SYNGR4: variants seen among roughly 807,000 people sequenced by gnomAD.
SYNGR4 encodes synaptogyrin 4.
A neutral mutation model predicts 15.5 loss-of-function variants in SYNGR4; 15 were observed. The observed-to-expected ratio is 0.97, with a 90% CI of 0.65 to 1.49. SYNGR4 has a LOEUF of 1.49. SYNGR4 is among the 40% of genes most tolerant of loss of function. The pLI is 0.00. For missense variants in SYNGR4, 292 were observed against 299.3 expected, an observed-to-expected ratio of 0.98 and a Z score of 0.18; for synonymous variants, 121 against 127.4, an observed-to-expected ratio of 0.95 and a Z score of 0.34.
chr19:48,365,057 C>T lies in SYNGR4; in HGVS notation c.-108+520C>T, dbSNP rs532885954. Reference sequence around the variant, plus strand: ...GGGACCCCCAGAATCACCCTCACCCCAGGCCCTCACCTCTCTGGAATCCTC... The same window carrying T: ...GGGACCCCCAGAATCACCCTCACCCTAGGCCCTCACCTCTCTGGAATCCTC... On this transcript the variant is annotated intron_variant, in intron 1 of 4. Transcript: ENST00000344846. Among the ~76,000 whole-genome samples, 6 of 150,008 alleles carry T rather than the reference C, an allele frequency of 4.0e-5. No homozygotes were observed. The South Asian group carries it at 1.3e-3, about 32-fold the overall frequency.
chr19:48,368,795 G>A (rs1205519418), intron 2 of SYNGR4, among the ~76,000 whole-genome samples: 3 of 152,206 alleles, frequency 2.0e-5, no homozygotes, highest in Non-Finnish European at 4.4e-5. Context: ...CTTGAAAACC[G>A]CATCCCAGCA....
At chr19:48,366,404 GAAAA>G (rs1272756269) in intron 2 of SYNGR4, among the ~76,000 whole-genome samples, 1 of 149,316 alleles carries the variant, frequency 6.7e-6, no homozygotes, top group Non-Finnish European at 1.5e-5. Context: ...AAAAAAAAAA[GAAAA>G]AAGAAAAGAA....
chr19:48,371,913 T>C (rs1010369133), intron 2 of SYNGR4, among the ~76,000 whole-genome samples: 2 of 151,688 alleles, frequency 1.3e-5, no homozygotes, highest in African/African-American at 2.4e-5. Flanking sequence ...AGAGTCTTGC[T>C]CTCTCGCCTC....
At chr19:48,371,483 G>A (rs533706346) in intron 2 of SYNGR4, among the ~76,000 whole-genome samples, 18 of 152,208 alleles carry the variant, frequency 1.2e-4, no homozygotes, top group Admixed American at 2.6e-4. Flanking sequence ...CTCAAGGCGC[G>A]TGGTCCAGTG....
At chr19:48,375,828 T>A in intron 4 of SYNGR4, 76 bp downstream of exon 4, 1 of 1,565,502 alleles carries the variant, frequency 6.4e-7, no homozygotes, top group Non-Finnish European at 8.6e-7. Context: ...GCTAGAACAT[T>A]CCTGCTCTCA....
At chr19:48,368,965 C>T (rs1405521228) in intron 2 of SYNGR4, among the ~76,000 whole-genome samples, 1 of 152,202 alleles carries the variant, frequency 6.6e-6, no homozygotes, top group Non-Finnish European at 1.5e-5. Context: ...AACTCGGATC[C>T]ACCCACCTAT....
At chr19:48,365,412 C>CCA (rs1356216556) in intron 1 of SYNGR4, among the ~76,000 whole-genome samples, 1 of 84,474 alleles carries the variant, frequency 1.2e-5, no homozygotes, top group Non-Finnish European at 2.7e-5. Context: ...AGCCCCCTCA[C>CCA]CACACAACCC....
intron 2 of SYNGR4, 132 bp downstream of exon 2, chr19:48,366,067 C>A: frequency 2.3e-6 from 2 of 869,936 alleles, no homozygotes; most frequent in Admixed American, 2.3e-5. Flanking sequence ...GGAGCAAATG[C>A]TGACACCACC....
At chr19:48,370,078 C>A (rs1201967933) in intron 2 of SYNGR4, among the ~76,000 whole-genome samples, 1 of 151,924 alleles carries the variant, frequency 6.6e-6, no homozygotes, top group East Asian at 1.9e-4. Flanking sequence ...GGGGTCCGTT[C>A]TTTGCCTCCT....
intron 3 of SYNGR4, among the ~76,000 whole-genome samples, chr19:48,374,159 C>T (rs1444301571): frequency 6.6e-6 from 1 of 150,378 alleles, no homozygotes; most frequent in Non-Finnish European, 1.5e-5. Context: ...CTCACTGCAA[C>T]CTCCGCCTCC....
intron 2 of SYNGR4, among the ~76,000 whole-genome samples, chr19:48,367,232 A>C (rs1174062011): frequency 6.6e-6 from 1 of 151,916 alleles, no homozygotes; most frequent in Non-Finnish European, 1.5e-5. Flanking sequence ...GGAGATCGAG[A>C]CCATCCTGGC....
chr19:48,366,977 A>G (rs914019399), intron 2 of SYNGR4, among the ~76,000 whole-genome samples: 4 of 151,976 alleles, frequency 2.6e-5, no homozygotes, highest in Non-Finnish European at 4.4e-5. Flanking sequence ...AACATGGCGA[A>G]AACCCATCTC....
intron 4 of SYNGR4, 28 bp from the exon 5 acceptor site, chr19:48,376,057 C>T: frequency 6.2e-7 from 1 of 1,614,040 alleles, no homozygotes; most frequent in South Asian, 1.1e-5. Flanking sequence ...CCCAAGTCAG[C>T]CTTCAGCACG....
rs747296220 is a variant in SYNGR4 at position 48,375,755 on chromosome 19, G to A, written c.471+3G>A. ...CCTTCTTCTCCATCCTTGTCTGGGT[G>A]AGGACAAGCCCCTCCACCACCCCTC... On this transcript the variant is annotated splice_donor_region_variant and intron_variant, in intron 4 of 4. Coordinates refer to ENST00000344846, the MANE Select transcript of SYNGR4 (RefSeq NM_012451.4). The A allele has an allele frequency of 3.7e-6, 6 of 1,611,962 alleles. No individual in the cohort carries two copies. Among genetic ancestry groups the A allele is most frequent in the African/African-American group, 1.3e-5 (1 of 74,882 alleles).
chr19:48,372,604 T>C (rs1326493348), intron 2 of SYNGR4, among the ~76,000 whole-genome samples: 1 of 151,394 alleles, frequency 6.6e-6, no homozygotes, highest in African/African-American at 2.4e-5. Flanking sequence ...TGAGCCGAGA[T>C]GGCGCCACTG....
At chr19:48,365,657 G>A in intron 1 of SYNGR4, 79 bp from the exon 2 acceptor site, 1 of 37,898 alleles carries the variant, frequency 2.6e-5, no homozygotes, top group Non-Finnish European at 5.0e-5. Flanking sequence ...CCCACCCCAT[G>A]TCCCCCAATC....
chr19:48,371,975 G>A (rs767949474), intron 2 of SYNGR4, among the ~76,000 whole-genome samples: 7 of 150,696 alleles, frequency 4.6e-5, no homozygotes, highest in Non-Finnish European at 1.0e-4. Context: ...AACCTCCTGG[G>A]CTCAAGTGAT....
chr19:48,368,525 G>A (rs1018255011), intron 2 of SYNGR4, among the ~76,000 whole-genome samples: 2 of 152,006 alleles, frequency 1.3e-5, no homozygotes, highest in South Asian at 2.1e-4. Context: ...GATTACCAGC[G>A]TGCACCACCA....
rs777438233 is a variant in SYNGR4, at chr19:48,373,650, C to A, written c.227C>A (p.Ala76Asp). Residue 76 changes from alanine (A) to aspartate (D), a missense_variant, in exon 3 of 5, where the codon GCC becomes GAC. By Grantham distance (126) the Ala-to-Asp change is moderately radical (BLOSUM62 -2). Coordinates refer to ENST00000344846, the MANE Select transcript of SYNGR4 (RefSeq NM_012451.4). ...TTTGCCGTGGGAGCCGGCTTCCTGGCCTTCCTCAGCTGCCTGGCCTTCCTC... is the reference window on the plus strand; with the variant it reads ...TTTGCCGTGGGAGCCGGCTTCCTGGACTTCCTCAGCTGCCTGGCCTTCCTC... ...CSFAVGAGFL[A>D]FLSCLAFLVL... is the part of the protein sequence containing the mutation. The A allele has an allele frequency of 6.2e-7, 1 of 1,613,782 alleles. No homozygotes were observed. Among genetic ancestry groups the A allele is most frequent in the South Asian group, 1.1e-5 (1 of 91,020 alleles).
Sources: allele counts gnomAD v4.1 joint callset (sites outside exome capture counted in the v4.1 genomes callset), GRCh38; gene constraint gnomAD v4.1.1; transcripts MANE v1.5; gene names NCBI Gene and HGNC (gene_info 2026-07-23, HGNC 2026-07-21).